Variants in PCDH15 observed in about 807,000 individuals in gnomAD.
PCDH15 encodes the protein protocadherin related 15, also known as protocadherin-15.
A neutral mutation model predicts 178.5 loss-of-function variants in PCDH15; 129 were observed. The ratio of observed to expected loss-of-function variants is 0.72; its 90% confidence interval spans 0.63 to 0.84. The LOEUF is 0.84. Ranked by LOEUF, PCDH15 falls within the 40% of genes least tolerant of loss-of-function variation. The pLI is 0.00. For synonymous variants in PCDH15, 800 were observed against 732.0 expected (o/e 1.09, Z -1.50); for missense variants, 2,230 against 2,099.9 (o/e 1.06, Z -1.21).
intron 16 of PCDH15, among the ~76,000 whole-genome samples, chr10:54,087,295 A>G (rs1023890418): frequency 5.9e-5 from 9 of 151,980 alleles, no homozygotes; most frequent in African/African-American, 2.2e-4. Flanking sequence ...ATTAACAGTC[A>G]CTCCCCATTC....
upstream of PCDH15, among the ~76,000 whole-genome samples, chr10:55,320,694 G>A (rs1312683768): frequency 6.6e-6 from 1 of 152,084 alleles, no homozygotes; most frequent in Non-Finnish European, 1.5e-5. Context: ...AAGTCCTCCA[G>A]AAATGATGCC....
intron 2 of PCDH15, among the ~76,000 whole-genome samples, chr10:55,071,528 A>G (rs1408579547): frequency 6.6e-6 from 1 of 152,200 alleles, no homozygotes; most frequent in Non-Finnish European, 1.5e-5. Context: ...AAAGGAATCA[A>G]TTCAACAAGA....
intron 7 of PCDH15, among the ~76,000 whole-genome samples, chr10:54,323,258 G>T (rs1441067454): frequency 6.6e-6 from 1 of 152,126 alleles, no homozygotes; most frequent in Non-Finnish European, 1.5e-5. Flanking sequence ...GTTATATGCT[G>T]TTGGTGGGTA....
At chr10:54,776,912 T>C (rs550759149) in intron 1 of PCDH15, among the ~76,000 whole-genome samples, 2 of 151,640 alleles carry the variant, frequency 1.3e-5, no homozygotes, top group East Asian at 3.9e-4. Flanking sequence ...TAAGAGGAGG[T>C]TTATACAAAG....
intron 2 of PCDH15, among the ~76,000 whole-genome samples, chr10:55,483,785 C>T (rs1840236311): frequency 7.0e-6 from 1 of 143,264 alleles, no homozygotes; most frequent in African/African-American, 2.6e-5. Context: ...CACTGTAGTA[C>T]AGCCTGGGTG....
Position 53,806,370 on chromosome 10 carries a change from G to A in PCDH15, c.*209C>T, listed in dbSNP as rs1028632011. ...TTAAACGATAGGTTATTTAGTGAAA[G>A]TATGTCCAAAAGGATTTTCTGGGAA... On this transcript the variant is annotated 3_prime_UTR_variant, in exon 38 of 38. Coordinates refer to ENST00000644397, the MANE Select transcript of PCDH15 (RefSeq NM_001384140.1). The A allele has an allele frequency of 1.6e-5, 8 of 509,926 alleles. No individual in the cohort carries two copies. Among genetic ancestry groups the A allele is most frequent in the African/African-American group, 1.3e-4 (7 of 52,134 alleles). The allele number at this position is 509,926 out of a possible 1,614,324, so 31.6% of individuals were successfully genotyped here.
chr10:54,208,287 T>G (rs536917233), intron 10 of PCDH15, among the ~76,000 whole-genome samples: 1 of 152,156 alleles, frequency 6.6e-6, no homozygotes, highest in East Asian at 1.9e-4. Context: ...GACCTGGCTA[T>G]TGGGGTAGAA....
At chr10:54,891,773 T>C (rs760002656) in intron 3 of PCDH15, among the ~76,000 whole-genome samples, 9 of 152,132 alleles carry the variant, frequency 5.9e-5, no homozygotes, top group Admixed American at 1.3e-4. Flanking sequence ...AAACAGGTAT[T>C]TGTAGCAAGG....
At chr10:55,084,434 A>G (rs561153608) in intron 2 of PCDH15, among the ~76,000 whole-genome samples, 2 of 147,264 alleles carry the variant, frequency 1.4e-5, no homozygotes, top group East Asian at 4.2e-4. Flanking sequence ...AAAATTGATT[A>G]AAGACTTAAA....
intron 18 of PCDH15, among the ~76,000 whole-genome samples, chr10:54,030,107 A>C (rs1742564635): frequency 6.6e-6 from 1 of 152,150 alleles, no homozygotes; most frequent in Admixed American, 6.6e-5. Context: ...GGACAAAACC[A>C]AAATGTTATA....
chr10:54,460,201 A>G (rs1233924059), intron 3 of PCDH15, among the ~76,000 whole-genome samples: 1 of 152,084 alleles, frequency 6.6e-6, no homozygotes, highest in Non-Finnish European at 1.5e-5. Flanking sequence ...GTGATTTCTT[A>G]ACTAGATTCA....
chr10:54,178,516 A>G (rs1172190884), intron 13 of PCDH15, among the ~76,000 whole-genome samples: 2 of 152,128 alleles, frequency 1.3e-5, no homozygotes, highest in Non-Finnish European at 2.9e-5. Context: ...AAAATAGAAT[A>G]ATTGGTGGAG....
chr10:54,477,111 C>T (rs1432242496), intron 3 of PCDH15, among the ~76,000 whole-genome samples: 1 of 152,072 alleles, frequency 6.6e-6, no homozygotes, highest in African/African-American at 2.4e-5. Context: ...ATTAAGCTGA[C>T]AATAAGGTGA....
intron 2 of PCDH15, among the ~76,000 whole-genome samples, chr10:55,523,532 TA>T (rs1304257669): frequency 6.6e-6 from 1 of 151,628 alleles, no homozygotes; most frequent in Non-Finnish European, 1.5e-5. Context: ...CTATCTTTGT[TA>T]TTTTGGAATA....
chr10:54,172,326 A>G (rs2046998257), intron 13 of PCDH15, among the ~76,000 whole-genome samples: 1 of 151,624 alleles, frequency 6.6e-6, no homozygotes, highest in South Asian at 2.1e-4. Context: ...TGCCCGCCAG[A>G]GAACAAACCC....
intron 2 of PCDH15, among the ~76,000 whole-genome samples, chr10:54,592,639 A>C (rs2133954037): frequency 6.6e-6 from 1 of 152,306 alleles, no homozygotes; most frequent in Non-Finnish European, 1.5e-5. Context: ...GCTATTGTAT[A>C]TAAAGCTGAA....
At chr10:54,832,413 TTGA>T (rs1259104209) in intron 3 of PCDH15, among the ~76,000 whole-genome samples, 1 of 152,216 alleles carries the variant, frequency 6.6e-6, no homozygotes, top group Non-Finnish European at 1.5e-5. Context: ...AGAGATTTTG[TTGA>T]TATGTTTTAA....
At chr10:54,720,504 T>A (rs1005101537) in intron 1 of PCDH15, among the ~76,000 whole-genome samples, 7 of 120,966 alleles carry the variant, frequency 5.8e-5, no homozygotes, top group African/African-American at 2.1e-4. Context: ...TGGAAGACTA[T>A]TTTTAGTCTC....
chr10:55,392,927 T>C (rs1837831292), intron 2 of PCDH15, among the ~76,000 whole-genome samples: 1 of 152,044 alleles, frequency 6.6e-6, no homozygotes, highest in South Asian at 2.1e-4. Context: ...ATTTTTCTTA[T>C]TTTTGAGAAA....
Sources: allele counts gnomAD v4.1 joint callset (sites outside exome capture counted in the v4.1 genomes callset), GRCh38; gene constraint gnomAD v4.1.1; transcripts MANE v1.5; gene names NCBI Gene and HGNC (gene_info 2026-07-23, HGNC 2026-07-21).